Variants in USP37 observed in about 807,000 individuals in gnomAD.
USP37 encodes the protein ubiquitin specific peptidase 37.
USP37 carries 27 observed loss-of-function variants against 124.0 expected under a neutral mutation model. The ratio of observed to expected loss-of-function variants is 0.22; its 90% CI spans 0.16 to 0.30. The LOEUF (loss-of-function observed/expected upper bound fraction) is 0.30. Among genes scored for constraint, USP37 ranks in the 10% least tolerant of loss-of-function variants. USP37 has a pLI of 1.00. For missense variants in USP37, 889 were observed against 1,140.4 expected (o/e 0.78, Z 3.17); for synonymous variants, 365 against 388.0 (o/e 0.94, Z 0.70).
intron 17 of USP37, among the ~76,000 whole-genome samples, chr2:218,480,599 A>T (rs188535324): frequency 3.7e-4 from 57 of 152,314 alleles, no homozygotes; most frequent in Admixed American, 3.4e-3. Flanking sequence ...TCATTTATGG[A>T]GGATTTACTG....
Position 218,485,674 on chromosome 2 carries a change from T to C in USP37, c.1660A>G (p.Arg554Gly). 6.4e-7 allele frequency: 1 copy of C among 1,573,048 alleles called. No individual in the cohort carries two copies. Among genetic ancestry groups the C allele is most frequent in the Non-Finnish European group, 8.6e-7 (1 of 1,162,088 alleles). ...AAAAAAAAAAATTACCTAGGAAGCC[T>C]GTTAAATTTGTGCCTGACAAGAGCA... ...KCALVRHKFN[R>G]LPRVLILHLK... Residue 554 changes from arginine (R) to glycine (G), a missense_variant, in exon 16 of 26, where the codon AGG becomes GGG. Arg to Gly is a moderately radical substitution (Grantham distance 125). Coordinates refer to ENST00000258399, the MANE Select transcript of USP37 (RefSeq NM_020935.3).
At chr2:218,546,145 A>C in intron 8 of USP37, 76 bp downstream of exon 8, 1 of 1,210,986 alleles carries the variant, frequency 8.3e-7, no homozygotes, top group Non-Finnish European at 1.2e-6. Context: ...CCATTTCCCC[A>C]ATCTTCCCCA....
chr2:218,494,277 A>C (rs1053393774), intron 14 of USP37, among the ~76,000 whole-genome samples: 21 of 152,248 alleles, frequency 1.4e-4, no homozygotes, highest in African/African-American at 4.3e-4. Context: ...ATAGATATGG[A>C]GGACAGAAAA....
chr2:218,487,803 G>A (rs1437070943), intron 15 of USP37, among the ~76,000 whole-genome samples: 1 of 151,824 alleles, frequency 6.6e-6, no homozygotes, highest in Admixed American at 6.6e-5. Context: ...CTTTTTCAAT[G>A]AGTTATAATT....
At chr2:218,530,079 A>C (rs759038202) in intron 9 of USP37, 39 bp from the exon 10 acceptor site, 1 of 1,492,824 alleles carries the variant, frequency 6.7e-7, no homozygotes, top group East Asian at 2.3e-5. Context: ...TTAATTCCTA[A>C]ATCAACCATT....
At chr2:218,546,636 G>GTCTC (rs1692340813) in intron 7 of USP37, among the ~76,000 whole-genome samples, 1 of 152,076 alleles carries the variant, frequency 6.6e-6, no homozygotes, top group Non-Finnish European at 1.5e-5. Flanking sequence ...AGCCAGGATG[G>GTCTC]TCTCAATCTC....
At chr2:218,557,277 C>T (rs907472257) in intron 4 of USP37, among the ~76,000 whole-genome samples, 2 of 152,096 alleles carry the variant, frequency 1.3e-5, no homozygotes, top group Non-Finnish European at 2.9e-5. Context: ...ACAGGTAAAA[C>T]CGTCATGCTC....
intron 25 of USP37, among the ~76,000 whole-genome samples, chr2:218,455,269 G>T (rs1404745569): frequency 6.6e-6 from 1 of 152,080 alleles, no homozygotes; most frequent in Non-Finnish European, 1.5e-5. Flanking sequence ...ATATAAATCA[G>T]ATCTTCTAGC....
intron 11 of USP37, 128 bp downstream of exon 11, chr2:218,509,851 T>TA (rs1689881165): frequency 4.4e-6 from 4 of 902,328 alleles, no homozygotes; most frequent in Non-Finnish European, 6.1e-6. Flanking sequence ...AATAAATCTT[T>TA]AATAAGTGAT....
chr2:218,457,483 A>G (rs572508713), intron 23 of USP37, among the ~76,000 whole-genome samples: 6 of 152,332 alleles, frequency 3.9e-5, no homozygotes. Flanking sequence ...GTTCAGTTAT[A>G]TAAAAAAACT....
chr2:218,458,252 C>A (rs944637738), intron 23 of USP37, among the ~76,000 whole-genome samples: 1 of 60,210 alleles, frequency 1.7e-5, no homozygotes, highest in Non-Finnish European at 3.3e-5. Context: ...CAGACCTTGC[C>A]TAAAAAAAAA....
chr2:218,564,374 G>A (rs958342630), intron 1 of USP37, among the ~76,000 whole-genome samples: 1 of 152,106 alleles, frequency 6.6e-6, no homozygotes, highest in Non-Finnish European at 1.5e-5. Flanking sequence ...TCACAGATGA[G>A]GAAACTGAGG....
chr2:218,495,148 G>A (rs868445963), intron 14 of USP37, among the ~76,000 whole-genome samples: 5 of 152,108 alleles, frequency 3.3e-5, no homozygotes, highest in East Asian at 1.9e-4. Flanking sequence ...TTTTTGTTTC[G>A]TTTTGTTTTT....
At chr2:218,468,100 G>C (rs1166012113) in intron 20 of USP37, among the ~76,000 whole-genome samples, 2 of 150,618 alleles carry the variant, frequency 1.3e-5, no homozygotes, top group Non-Finnish European at 3.0e-5. Flanking sequence ...TGCTGGCCAG[G>C]CTGGTCTCGA....
At position 218,537,505 on chromosome 2, in the gene USP37, AT is replaced by A. The variant is rs545724159; in HGVS notation, c.681-2800del. The stretch of plus-strand genomic sequence containing the variant: ...ACTACAGAGGCGTAACAAAATTAGA[AT>A]CCAGGTACTATGAGCCAAACTGGGC... On this transcript the variant is annotated intron_variant, in intron 8 of 25. Coordinates refer to ENST00000258399, the MANE Select transcript of USP37 (RefSeq NM_020935.3). Among the ~76,000 whole-genome samples the A allele has an allele frequency of 4.7e-4, 71 of 152,334 alleles. 1 individual carries two copies. In the South Asian group the frequency reaches 0.014, roughly 31 times the overall value.
At chr2:218,461,117 G>A (rs1319241765) in intron 22 of USP37, among the ~76,000 whole-genome samples, 1 of 152,076 alleles carries the variant, frequency 6.6e-6, no homozygotes, top group Non-Finnish European at 1.5e-5. Flanking sequence ...GTTAAATAAA[G>A]AATCCCAGGA....
chr2:218,474,515 C>G (rs113268774), intron 20 of USP37, 115 bp downstream of exon 20: 32,120 of 1,446,776 alleles, frequency 0.022, 437 homozygotes, highest in Non-Finnish European at 0.026. Context: ...TCACACACCA[C>G]CATGCTCAGC....
At chr2:218,502,672 G>GAA (rs1689449997) in intron 11 of USP37, among the ~76,000 whole-genome samples, 1 of 152,126 alleles carries the variant, frequency 6.6e-6, no homozygotes, top group South Asian at 2.1e-4. Flanking sequence ...AGCAGTCAGA[G>GAA]AAAAACTGTC....
intron 20 of USP37, 53 bp downstream of exon 20, chr2:218,474,577 C>CT (rs1385289988): frequency 2.5e-6 from 4 of 1,593,958 alleles, no homozygotes; most frequent in Non-Finnish European, 8.5e-7. Flanking sequence ...CACTACAAAA[C>CT]TTTGAAAGAG....
Sources: allele counts gnomAD v4.1 joint callset (sites outside exome capture counted in the v4.1 genomes callset), GRCh38; gene constraint gnomAD v4.1.1; transcripts MANE v1.5; gene names NCBI Gene and HGNC (gene_info 2026-07-23, HGNC 2026-07-21).